The following ZNF512B variants were observed in gnomAD, a reference collection of about 807,000 sequenced individuals.
ZNF512B encodes zinc finger protein 512B.
In ZNF512B, 22 loss-of-function variants were observed where a neutral mutation model predicts 87.8. That is an observed-to-expected ratio of 0.25 (90% CI 0.18 to 0.36). The LOEUF is 0.36. ZNF512B is among the 10% of genes least tolerant of loss of function. The pLI is 1.00. For missense variants in ZNF512B, 1,060 were observed against 1,231.6 expected (o/e 0.86, Z 2.09); for synonymous variants, 524 against 490.9 (o/e 1.07, Z -0.89).
chr20:63,962,720 G>A lies in ZNF512B; in HGVS notation c.2030C>T (p.Thr677Ile), dbSNP rs1471738128. Residue 677 changes from threonine to isoleucine, a missense_variant, in exon 13 of 17, where the codon ACC becomes ATC. Physicochemically the swap from Thr to Ile is moderately conservative, Grantham distance 89. This residue lies in a region of ZNF512B where 165 missense variants were observed against 173.0 expected (regional missense o/e 0.95). Coordinates refer to ENST00000369888, the MANE Select transcript of ZNF512B (RefSeq NM_020713.3). ...CGTGCGGCGGACACGCCCGCTTGGG[G>A]TCCGCTCCACACCCAGCGGGTCCTC... ...EAEDPLGVERTPSGRVRRTSA... is the reference protein window; with the variant it reads ...EAEDPLGVERIPSGRVRRTSA... 1.2e-6 allele frequency: 2 copies of A among 1,603,384 alleles called. No individual in the cohort carries two copies. The highest frequency in any genetic ancestry group is 1.7e-6 in the Non-Finnish European group (2 of 1,176,592).
In ZNF512B at chr20:63,963,217, G is replaced by A. The variant is rs201179332; in HGVS notation, c.1846C>T (p.Arg616Trp). ...SSLMGYQYHQ[R>W]RCGKPPCEVD... ...TCGCAGGGCGGCTTCCCGCAGCGCCGCTGGTGGTACTGGTAGCCCATGAGG... is the reference window on the plus strand; with the variant it reads ...TCGCAGGGCGGCTTCCCGCAGCGCCACTGGTGGTACTGGTAGCCCATGAGG... The change falls in exon 12 of 17, where the codon CGG (arginine) becomes TGG (tryptophan). Residue 616 changes from arginine to tryptophan, a missense_variant. Physicochemically the swap from Arg to Trp is moderately radical, Grantham distance 101 (BLOSUM62 -3). Transcript: ENST00000369888. 7 of 1,547,104 alleles carry A rather than the reference G, an allele frequency of 4.5e-6. No homozygotes were observed. Among genetic ancestry groups the A allele is most frequent in the East Asian group, 2.4e-5 (1 of 41,402 alleles).
At chr20:63,967,336 G>C in intron 3 of ZNF512B, 45 bp downstream of exon 3, 1 of 1,546,670 alleles carries the variant, frequency 6.5e-7, no homozygotes, top group Non-Finnish European at 8.7e-7. Context: ...TGGCTGGATA[G>C]GGAGACCCCA....
intron 1 of ZNF512B, among the ~76,000 whole-genome samples, 166 bp from the exon 2 acceptor site, chr20:63,968,118 G>C (rs3810502): frequency 0.15 from 23,191 of 152,186 alleles, 1,866 homozygotes; most frequent in South Asian, 0.24. Context: ...GGGGGCTTCT[G>C]ACTTAGGGGA....
At position 63,956,821 on chromosome 20, in the gene ZNF512B, G is replaced by A. The variant is rs2058720304; in HGVS notation, c.*3067C>T. On this transcript the variant is annotated 3_prime_UTR_variant, in exon 17 of 17. Coordinates refer to ENST00000369888, the MANE Select transcript of ZNF512B (RefSeq NM_020713.3). Reference sequence around the variant, plus strand: ...GCGGGGACGAGGACCGGGGACAGATGGTCACAAGGCGGGCGGGGCCCGAAC... The same window carrying A: ...GCGGGGACGAGGACCGGGGACAGATAGTCACAAGGCGGGCGGGGCCCGAAC... 6.5e-6 allele frequency: 1 copy of A among 153,804 alleles called. No homozygotes were observed. The highest frequency in any genetic ancestry group is 1.9e-4 in the South Asian group (1 of 5,150). The allele number at this position is 153,804 out of a possible 1,614,324, so 9.5% of individuals were successfully genotyped here.
intron 1 of ZNF512B, among the ~76,000 whole-genome samples, chr20:63,969,411 G>A (rs1177059841): frequency 6.6e-6 from 1 of 151,738 alleles, no homozygotes; most frequent in Admixed American, 6.6e-5. Context: ...GGAGACGCCA[G>A]CAGCGGGTCC....
chr20:63,964,951 T>C (rs1413603918), intron 5 of ZNF512B, among the ~76,000 whole-genome samples: 1 of 42,258 alleles, frequency 2.4e-5, no homozygotes, highest in Admixed American at 1.7e-4. Flanking sequence ...CCCCCATACC[T>C]TTTCTCACCA....
At position 63,961,218 on chromosome 20, in the gene ZNF512B, T is replaced by C; in HGVS notation, c.2427+91A>G. On this transcript the variant is annotated intron_variant, in intron 16 of 16. Coordinates refer to ENST00000369888, the MANE Select transcript of ZNF512B (RefSeq NM_020713.3). This position sits in a 1 kb window ranked among gnomAD's most constrained non-coding sequence, Gnocchi z 6.4. ...CCCAGGCACACCCCATGCAGGCCACTGACCTCTCTACCCCCAAGGGGTGCC... is the reference window on the plus strand; with the variant it reads ...CCCAGGCACACCCCATGCAGGCCACCGACCTCTCTACCCCCAAGGGGTGCC... The C allele has an allele frequency of 8.4e-7, 1 of 1,197,498 alleles. No homozygotes were observed. Among genetic ancestry groups the C allele is most frequent in the African/African-American group, 1.5e-5 (1 of 67,166 alleles). 74.2% of individuals were successfully genotyped at this position (1,197,498 alleles called of 1,614,324 possible).
At chr20:63,964,879 T>TTCC (rs532432400) in intron 5 of ZNF512B, among the ~76,000 whole-genome samples, 163 bp from the exon 6 acceptor site, 2,419 of 69,912 alleles carry the variant, frequency 0.035, 457 homozygotes, top group African/African-American at 0.05. Context: ...CTTACCACTG[T>TTCC]TCCCTGACCT....
chr20:63,963,879 A>G lies in ZNF512B; in HGVS notation c.1515T>C (p.His505=), dbSNP rs2058888628. ...TGGGGCAGACGGCTTCCCCGCGCTC[A>G]TGGATGGCCCTCTGCCACTGCTCTT... The part of the protein sequence containing the change: ...GPEEQWQRAI[H]ERGEAVCPTC... The change falls in exon 9 of 17, where the codon CAT becomes CAC. Residue 505 remains histidine, a synonymous_variant. Coordinates refer to ENST00000369888, the MANE Select transcript of ZNF512B (RefSeq NM_020713.3). 1 of 1,612,042 alleles carries G rather than the reference A, an allele frequency of 6.2e-7. No individual in the cohort carries two copies. Among genetic ancestry groups the G allele is most frequent in the African/African-American group, 1.3e-5 (1 of 74,944 alleles).
intron 3 of ZNF512B, 90 bp from the exon 4 acceptor site, chr20:63,967,094 C>A: frequency 6.4e-7 from 1 of 1,567,514 alleles, no homozygotes; most frequent in Non-Finnish European, 8.6e-7. Flanking sequence ...CCCGGGCCTG[C>A]AGGGCACACA....
rs1413190287 is a variant in ZNF512B, at chr20:63,957,629, G to A, written c.*2259C>T. 1 of 152,652 alleles carries A rather than the reference G, an allele frequency of 6.6e-6. No individual in the cohort carries two copies. The highest frequency in any genetic ancestry group is 2.4e-5 in the African/African-American group (1 of 41,432). The allele number at this position is 152,652 out of a possible 1,614,324, so 9.5% of individuals were successfully genotyped here. ...CCAGGACTCCTCTTCCCACACCAGG[G>A]ATTATCTGTGGGCTTTGGGAGTGTC... On this transcript the variant is annotated 3_prime_UTR_variant, in exon 17 of 17. Coordinates refer to ENST00000369888, the MANE Select transcript of ZNF512B (RefSeq NM_020713.3).
rs747704423 is a variant in ZNF512B at position 63,963,335 on chromosome 20, C to A, written c.1797+7G>T. The A allele has an allele frequency of 6.5e-7, 1 of 1,539,842 alleles. No homozygotes were observed. The highest frequency in any genetic ancestry group is 2.4e-5 in the East Asian group (1 of 41,018). On this transcript the variant is annotated splice_region_variant and intron_variant, in intron 11 of 16. Coordinates refer to ENST00000369888, the MANE Select transcript of ZNF512B (RefSeq NM_020713.3). ...CCCACCCCACACTGCCGCGGCCCCC[C>A]ACTGACCTCCTGGGGGCAGCGCAGC...
At position 63,957,755 on chromosome 20, in the gene ZNF512B, G is replaced by A. The variant is rs1252321889; in HGVS notation, c.*2133C>T. 1 of 152,402 alleles carries A rather than the reference G, an allele frequency of 6.6e-6. No individual in the cohort carries two copies. The highest frequency in any genetic ancestry group is 1.5e-5 in the Non-Finnish European group (1 of 68,134). 9.4% of individuals were successfully genotyped at this position (152,402 alleles called of 1,614,324 possible). A position where few individuals can be genotyped will look rare whatever the true frequency, so the allele number is the denominator to read the frequency against. ...AGGCACCACACCCTGCAGGTGTTCA[G>A]GTCCACCCTCCTCCCGCCATTGGTG... On this transcript the variant is annotated 3_prime_UTR_variant, in exon 17 of 17. Transcript: ENST00000369888.
Position 63,961,395 on chromosome 20 carries a change from C to A in ZNF512B, c.2341G>T (p.Ala781Ser). 3 of 1,611,956 alleles carry A rather than the reference C, an allele frequency of 1.9e-6. No individual in the cohort carries two copies. The highest frequency in any genetic ancestry group is 8.5e-7 in the Non-Finnish European group (1 of 1,179,930). ...CACAGCAGACAGCGGTACTTCCCTG[C>A]CAGGTGGGCCCCCTGCAATGCATAG... ...LASCSKGAHL[A>S]GKYRCLLCPK... Residue 781 changes from alanine to serine, a missense_variant, in exon 16 of 17, where the codon GCA (alanine) becomes TCA (serine). Ala to Ser is a moderately conservative substitution (Grantham distance 99, BLOSUM62 1). This residue lies in a region of ZNF512B where 253 missense variants were observed against 259.2 expected (regional missense o/e 0.98). Transcript: ENST00000369888. The surrounding 1 kb of genome is among the most constrained non-coding windows in gnomAD (Gnocchi z 6.4).
In ZNF512B at chr20:63,959,735, CA is replaced by C; in HGVS notation, c.*152del. The C allele has an allele frequency of 8.2e-7, 1 of 1,223,246 alleles. No individual in the cohort carries two copies. The highest frequency in any genetic ancestry group is 1.1e-6 in the Non-Finnish European group (1 of 912,814). The allele number at this position is 1,223,246 out of a possible 1,614,324, so 75.8% of individuals were successfully genotyped here. On this transcript the variant is annotated 3_prime_UTR_variant, in exon 17 of 17. Coordinates refer to ENST00000369888, the MANE Select transcript of ZNF512B (RefSeq NM_020713.3). ...GCCTTAACAGGGGAAGGGCCACCTT[CA>C]GGGAAGGGAGAGTGGCTGGCTGCCC... is the stretch of plus-strand genomic sequence containing the variant.
chr20:63,962,945 C>T (rs558252171), intron 12 of ZNF512B, 150 bp downstream of exon 12: 144 of 1,274,104 alleles, frequency 1.1e-4, no homozygotes, highest in Non-Finnish European at 1.3e-4. Context: ...TTCACCCTCC[C>T]GCCCACCAGG....
intron 1 of ZNF512B, 145 bp downstream of exon 1, chr20:63,969,669 G>C (rs1252026571): frequency 1.4e-5 from 2 of 147,080 alleles, no homozygotes; most frequent in Admixed American, 1.3e-4. Context: ...GCGCCGGCGC[G>C]GGGCGCGGGG....
rs1420421470 is a variant in ZNF512B at position 63,958,806 on chromosome 20, C to T, written c.*1082G>A. Reference sequence around the variant, plus strand: ...GGCCTTCAGTTCCCATATCAAATGACCACACAACCAGAAACAATGGGGGCA... The same window carrying T: ...GGCCTTCAGTTCCCATATCAAATGATCACACAACCAGAAACAATGGGGGCA... On this transcript the variant is annotated 3_prime_UTR_variant, in exon 17 of 17. Coordinates refer to ENST00000369888, the MANE Select transcript of ZNF512B (RefSeq NM_020713.3). 6.6e-6 allele frequency: 1 copy of T among 152,518 alleles called. No homozygotes were observed. Among genetic ancestry groups the T allele is most frequent in the African/African-American group, 2.4e-5 (1 of 41,448 alleles). 9.4% of individuals were successfully genotyped at this position (152,518 alleles called of 1,614,324 possible).
rs2058939495 is a variant in ZNF512B at position 63,967,428 on chromosome 20, T to G, written c.217A>C (p.Lys73Gln). Reference protein sequence around the residue: ...SPASDKTEGKKKGRPKAENQA... With the variant: ...SPASDKTEGKQKGRPKAENQA... ...TTCTCGGCTTTTGGCCGCCCCTTTT[T>G]CTTCCCTTCTGTCTTGTCACTGGCT... The change falls in exon 3 of 17, where the codon AAA (lysine) becomes CAA (glutamine). Residue 73 changes from lysine (K) to glutamine (Q), a missense_variant. Lys to Gln is a moderately conservative substitution (Grantham distance 53, BLOSUM62 1). Around this residue, in one of 9 missense-constraint regions of ZNF512B, gnomAD observed 134 missense variants for 153.6 expected, o/e 0.87. Coordinates refer to ENST00000369888, the MANE Select transcript of ZNF512B (RefSeq NM_020713.3). The G allele has an allele frequency of 1.2e-6, 2 of 1,613,190 alleles. No homozygotes were observed. The highest frequency in any genetic ancestry group is 1.7e-6 in the Non-Finnish European group (2 of 1,179,458).
Sources: allele counts gnomAD v4.1 joint callset (sites outside exome capture counted in the v4.1 genomes callset), GRCh38; gene constraint gnomAD v4.1.1; regional missense constraint gnomAD v4.1.1; non-coding constraint Gnocchi (gnomAD v3.1); transcripts MANE v1.5; gene names NCBI Gene and HGNC (gene_info 2026-07-23, HGNC 2026-07-21).